The following PFKFB3 variants were observed in gnomAD, a reference collection of about 807,000 sequenced individuals.
The protein encoded by PFKFB3 is 6-phosphofructo-2-kinase/fructose-2,6-bisphosphatase 3.
In PFKFB3, 33 loss-of-function variants were observed where a neutral mutation model predicts 68.0. That is an observed-to-expected ratio of 0.49 (90% CI 0.37 to 0.65). The LOEUF is 0.65. Ranked by LOEUF, PFKFB3 falls within the 30% of genes least tolerant of loss-of-function variation. PFKFB3 has a pLI of 0.00. For synonymous variants in PFKFB3, 315 were observed against 288.2 expected, an observed-to-expected ratio of 1.09 and a Z score of -0.94; for missense variants, 586 against 712.2, an observed-to-expected ratio of 0.82 and a Z score of 2.02.
intron 1 of PFKFB3, among the ~76,000 whole-genome samples, chr10:6,171,613 A>C (rs1842314933): frequency 6.6e-6 from 1 of 151,998 alleles, no homozygotes; most frequent in Admixed American, 6.6e-5. Flanking sequence ...GGCTGGTCTC[A>C]AACTCCTGGA....
At chr10:6,163,713 CT>C (rs1842034831) in intron 1 of PFKFB3, 1 of 151,704 alleles carries the variant, frequency 6.6e-6, no homozygotes, top group Non-Finnish European at 1.5e-5. Context: ...GGGGCGGGGC[CT>C]GGGGGTGGTC....
rs189157032 is a variant in PFKFB3, at chr10:6,228,136, C to T, written c.1515+1771C>T. On this transcript the variant is annotated intron_variant, in intron 14 of 14. Transcript: ENST00000379775. This position sits in a 1 kb window ranked among gnomAD's most constrained non-coding sequence, Gnocchi z 4.5. The stretch of plus-strand genomic sequence containing the variant: ...GCCGGCGTGGGGTTTTTCAGGGCTT[C>T]GTCCCTGCAGATTGCGCCCTGCCTC... The T allele has an allele frequency of 2.7e-4, 433 of 1,601,126 alleles. 4 individuals are homozygous for T. The highest frequency in any genetic ancestry group is 2.3e-3 in the East Asian group (103 of 44,818).
the PFKFB3 span, among the ~76,000 whole-genome samples, chr10:6,297,277 C>T: frequency 1.3e-5 from 2 of 152,148 alleles, no homozygotes; most frequent in African/African-American, 4.8e-5. Flanking sequence ...TGGCTTTCAT[C>T]GGAGAAGCAA....
intron 1 of PFKFB3, among the ~76,000 whole-genome samples, chr10:6,169,123 G>T (rs1412933645): frequency 6.6e-6 from 1 of 152,090 alleles, no homozygotes; most frequent in East Asian, 1.9e-4. Context: ...TGTATTTTTA[G>T]TAGAGACGGG....
rs143161705 is a variant in PFKFB3, at chr10:6,154,338, C to T, written c.16+9325C>T. Among the ~76,000 whole-genome samples the T allele has an allele frequency of 3.3e-5, 5 of 151,812 alleles. No homozygotes were observed. Among genetic ancestry groups the T allele is most frequent in the South Asian group, 2.1e-4 (1 of 4,806 alleles). ...TCGGCTCACTGCAACCTCTGCCTCT[C>T]GAGTTCAAGCGATCCTCCTGCCTCA... On this transcript the variant is annotated intron_variant, in intron 1 of 14. Transcript: ENST00000379789. This position sits in a 1 kb window ranked among gnomAD's most constrained non-coding sequence, Gnocchi z 4.6.
In PFKFB3 at chr10:6,206,783, G is replaced by T. The variant is rs12571428; in HGVS notation, c.76+3447G>T. Reference sequence around the variant, plus strand: ...CAGACTGGGCAGCCAGGCAGAGGGGGTCCTCACATCCCAGACGATGGGCGG... The same window carrying T: ...CAGACTGGGCAGCCAGGCAGAGGGGTTCCTCACATCCCAGACGATGGGCGG... On this transcript the variant is annotated intron_variant, in intron 1 of 14. Coordinates refer to ENST00000379775, the MANE Select transcript of PFKFB3 (RefSeq NM_004566.4). 2.7e-3 allele frequency among the ~76,000 whole-genome samples: 147 copies of T among 54,566 alleles called. 1 individual carries two copies. The highest frequency in any genetic ancestry group is 8.3e-3 in the Middle Eastern group (1 of 120). The allele number at this position is 54,566 out of a possible 152,430, so 35.8% of individuals were successfully genotyped here.
At chr10:6,206,484 G>A (rs1298815381) in intron 1 of PFKFB3, among the ~76,000 whole-genome samples, 2 of 127,568 alleles carry the variant, frequency 1.6e-5, no homozygotes, top group African/African-American at 3.6e-5. Context: ...TCCCAGACGG[G>A]GTGGTGGCCG....
intron 1 of PFKFB3, among the ~76,000 whole-genome samples, chr10:6,158,333 C>T (rs1001020995): frequency 9.2e-5 from 14 of 151,930 alleles, no homozygotes; most frequent in East Asian, 5.8e-4. Flanking sequence ...AAAAGTCAGG[C>T]AGTGTGTAAC....
chr10:6,318,395 C>A, the PFKFB3 span, among the ~76,000 whole-genome samples: 1 of 152,178 alleles, frequency 6.6e-6, no homozygotes, highest in Admixed American at 6.5e-5. Context: ...TAAGGACAAC[C>A]TGATTGGCTG....
the PFKFB3 span, among the ~76,000 whole-genome samples, chr10:6,319,655 T>C: frequency 1.2e-4 from 18 of 146,372 alleles, no homozygotes; most frequent in African/African-American, 4.6e-4. Flanking sequence ...GTAAAAATTA[T>C]TTAAAAATTG....
At chr10:6,247,061 C>T (rs905454493) in intron 14 of PFKFB3, among the ~76,000 whole-genome samples, 1 of 152,186 alleles carries the variant, frequency 6.6e-6, no homozygotes, top group Non-Finnish European at 1.5e-5. Flanking sequence ...GTAGATAAAC[C>T]AAGGGCAACA....
chr10:6,156,303 G>A lies in PFKFB3; in HGVS notation c.16+11290G>A, dbSNP rs140771935. Among the ~76,000 whole-genome samples, 1,147 of 151,404 alleles carry A rather than the reference G, an allele frequency of 7.6e-3. 15 individuals carry two copies. Among genetic ancestry groups the A allele is most frequent in the Non-Finnish European group, 0.01 (686 of 67,872 alleles). ...TGAGTAGCTGGGACCGCAGGTGTGC[G>A]CCACCACAGTCTGCTTTTTTTTTCA... is the stretch of plus-strand genomic sequence containing the variant. On this transcript the variant is annotated intron_variant, in intron 1 of 14. Coordinates refer to the PFKFB3 transcript ENST00000379789.
the PFKFB3 span, among the ~76,000 whole-genome samples, chr10:6,290,894 T>C: frequency 6.6e-6 from 1 of 152,242 alleles, no homozygotes; most frequent in African/African-American, 2.4e-5. Context: ...TGTGGTTTGG[T>C]ATCTGTCATT....
the PFKFB3 span, among the ~76,000 whole-genome samples, chr10:6,302,808 T>TTTG: frequency 6.2e-5 from 7 of 112,344 alleles, no homozygotes; most frequent in Non-Finnish European, 4.4e-5. Flanking sequence ...ATATATATAT[T>TTTG]TGTGTGTGTG....
chr10:6,293,795 A>G, the PFKFB3 span: 1 of 396,370 alleles, frequency 2.5e-6, no homozygotes, highest in African/African-American at 2.1e-5. Context: ...TCTGAGCTCC[A>G]GCCTGCACAG....
intron 1 of PFKFB3, among the ~76,000 whole-genome samples, chr10:6,177,547 C>T (rs1842564346): frequency 7.6e-6 from 1 of 131,136 alleles, no homozygotes; most frequent in African/African-American, 2.9e-5. Context: ...TTTTTTGAGA[C>T]GGAGTTTCAC....
intron 14 of PFKFB3, among the ~76,000 whole-genome samples, chr10:6,244,733 C>T (rs927703448): frequency 1.3e-5 from 2 of 148,604 alleles, no homozygotes; most frequent in South Asian, 4.3e-4. Flanking sequence ...GATATAAGCA[C>T]GTTGGACTGG....
downstream of PFKFB3, among the ~76,000 whole-genome samples, chr10:6,239,204 G>A (rs1846088713): frequency 1.3e-5 from 2 of 152,168 alleles, no homozygotes; most frequent in African/African-American, 2.4e-5. Context: ...AGAGAGCACC[G>A]CTGTGGTAGT....
downstream of PFKFB3, among the ~76,000 whole-genome samples, chr10:6,237,382 T>C (rs1455754355): frequency 6.6e-6 from 1 of 152,184 alleles, no homozygotes; most frequent in Non-Finnish European, 1.5e-5. Flanking sequence ...ACCCAGATGA[T>C]GTGCTGGTGA....
Sources: allele counts gnomAD v4.1 joint callset (sites outside exome capture counted in the v4.1 genomes callset), GRCh38; gene constraint gnomAD v4.1.1; non-coding constraint Gnocchi (gnomAD v3.1); transcripts MANE v1.5; gene names NCBI Gene and HGNC (gene_info 2026-07-23, HGNC 2026-07-21).